The following FARP2 variants were observed in gnomAD, a reference collection of about 807,000 sequenced individuals.
FARP2 encodes FERM, ARH/RhoGEF and pleckstrin domain protein 2.
FARP2 carries 111 observed loss-of-function variants against 130.5 expected under a neutral mutation model. The ratio of observed to expected loss-of-function variants is 0.85; its 90% CI spans 0.73 to 1.00. The LOEUF (loss-of-function observed/expected upper bound fraction) is 1.00. FARP2 is among the 50% of genes least tolerant of loss of function. The probability of loss-of-function intolerance (pLI) is 0.00; values close to 1 mark genes in which losing one functional copy is unlikely to be tolerated. For synonymous variants in FARP2, 504 were observed against 516.9 expected (o/e 0.98, Z 0.34); for missense variants, 1,385 against 1,346.3 (o/e 1.03, Z -0.45).
chr2:241,494,316 T>C lies in FARP2; in HGVS notation c.*191T>C. 3 of 395,984 alleles carry C rather than the reference T, an allele frequency of 7.6e-6. No individual in the cohort carries two copies. The highest frequency in any genetic ancestry group is 1.4e-5 in the Non-Finnish European group (3 of 217,030). The allele number at this position is 395,984 out of a possible 1,614,324, so 24.5% of individuals were successfully genotyped here. On this transcript the variant is annotated 3_prime_UTR_variant, in exon 27 of 27. Coordinates refer to ENST00000264042, the MANE Select transcript of FARP2 (RefSeq NM_014808.4). The surrounding 1 kb of genome is among the most constrained non-coding windows in gnomAD (Gnocchi z 4.9). ...ATCCCCCCACCCAGGACCTAGTGCATGCCAGCAGCTATCTGGGGCCCTGGG... is the reference window on the plus strand; with the variant it reads ...ATCCCCCCACCCAGGACCTAGTGCACGCCAGCAGCTATCTGGGGCCCTGGG...
intron 4 of FARP2, among the ~76,000 whole-genome samples, chr2:241,406,120 G>T (rs544747013): frequency 6.6e-6 from 1 of 151,922 alleles, no homozygotes; most frequent in East Asian, 1.9e-4. Flanking sequence ...TGGCTAACAT[G>T]GTGAAACTCC....
intron 17 of FARP2, chr2:241,465,558 C>A: frequency 6.4e-7 from 1 of 1,550,542 alleles, no homozygotes. Context: ...GATTTCTCTT[C>A]AATAGGAGCA....
At chr2:241,404,904 A>C (rs1255871313) in intron 4 of FARP2, 63 bp downstream of exon 4, 16 of 1,257,830 alleles carry the variant, frequency 1.3e-5, no homozygotes, top group Non-Finnish European at 1.9e-5. Context: ...TGGAATGTTT[A>C]AAAGGCATGT....
intron 4 of FARP2, among the ~76,000 whole-genome samples, chr2:241,406,662 C>G (rs146022469): frequency 5.3e-5 from 8 of 152,062 alleles, no homozygotes; most frequent in African/African-American, 1.9e-4. Context: ...TGGGATTTCA[C>G]CATGTTGCGC....
intron 14 of FARP2, among the ~76,000 whole-genome samples, chr2:241,457,124 C>T (rs914904843): frequency 6.6e-6 from 1 of 152,220 alleles, no homozygotes; most frequent in African/African-American, 2.4e-5. Context: ...TTCCTCTTAT[C>T]TCTGGGACTC....
At chr2:241,463,754 A>T (rs2064091792) in intron 16 of FARP2, 145 bp from the exon 17 acceptor site, 1 of 746,328 alleles carries the variant, frequency 1.3e-6, no homozygotes. Context: ...CATCCAGGGC[A>T]GGCCCTGCCC....
intron 2 of FARP2, among the ~76,000 whole-genome samples, chr2:241,389,915 T>C (rs1559723733): frequency 6.6e-6 from 1 of 152,184 alleles, no homozygotes; most frequent in Non-Finnish European, 1.5e-5. Flanking sequence ...GTTCATGCCA[T>C]GACTCGAGCT....
chr2:241,406,758 C>A (rs751096456), intron 4 of FARP2, among the ~76,000 whole-genome samples: 11 of 152,038 alleles, frequency 7.2e-5, no homozygotes, highest in Non-Finnish European at 1.5e-4. Flanking sequence ...GCCACTGCAC[C>A]CAGCCTATTT....
At chr2:241,491,731 T>G in intron 24 of FARP2, 52 bp downstream of exon 24, 1 of 1,527,294 alleles carries the variant, frequency 6.5e-7, no homozygotes, top group Non-Finnish European at 8.8e-7. Context: ...CCCAGCTGTC[T>G]CTGCACTTGG....
At chr2:241,467,495 A>T (rs539513606) in intron 17 of FARP2, among the ~76,000 whole-genome samples, 99 of 152,150 alleles carry the variant, frequency 6.5e-4, no homozygotes, top group African/African-American at 2.2e-3. Context: ...AAAAATATTT[A>T]AAAAATGAGC....
Position 241,403,944 on chromosome 2 carries a change from T to G in FARP2, c.288+12T>G, listed in dbSNP as rs769425229. On this transcript the variant is annotated intron_variant, in intron 3 of 26. Coordinates refer to ENST00000264042, the MANE Select transcript of FARP2 (RefSeq NM_014808.4). ...CTCAGTCCTACTGGGTAAGTGCTTA[T>G]GACGTGCCCAGGCGTGGAGCCTTTG... 6.6e-7 allele frequency: 1 copy of G among 1,518,206 alleles called. No individual in the cohort carries two copies. The highest frequency in any genetic ancestry group is 2.2e-5 in the East Asian group (1 of 44,454). The allele number at this position is 1,518,206 out of a possible 1,614,324, so 94.0% of individuals were successfully genotyped here.
At chr2:241,428,048 G>C (rs2062998090) in intron 8 of FARP2, among the ~76,000 whole-genome samples, 2 of 151,524 alleles carry the variant, frequency 1.3e-5, no homozygotes, top group African/African-American at 4.9e-5. Context: ...TTACAGGCAT[G>C]AGCCACCACG....
intron 1 of FARP2, among the ~76,000 whole-genome samples, chr2:241,359,770 A>G (rs1207163485): frequency 6.6e-6 from 1 of 152,166 alleles, no homozygotes; most frequent in Non-Finnish European, 1.5e-5. Context: ...TGCAATCACG[A>G]TGGGGTTGAG....
chr2:241,491,066 G>C lies in FARP2; in HGVS notation c.2510G>C (p.Arg837Pro). 6.2e-7 allele frequency: 1 copy of C among 1,612,862 alleles called. No individual in the cohort carries two copies. The highest frequency in any genetic ancestry group is 1.3e-5 in the African/African-American group (1 of 75,016). Reference sequence around the variant, plus strand: ...CCTTGCCCTTCTCCCTGCAGCACTCGGCTGGAGAAAGAGAAGTGGATGCTG... The same window carrying C: ...CCTTGCCCTTCTCCCTGCAGCACTCCGCTGGAGAAAGAGAAGTGGATGCTG... Reference protein sequence around the residue: ...QKTIVVAASTRLEKEKWMLDL... With the variant: ...QKTIVVAASTPLEKEKWMLDL... The change falls in exon 23 of 27, where the codon CGG (arginine) becomes CCG (proline). Residue 837 changes from arginine (R) to proline (P), a missense_variant. Physicochemically the swap from Arg to Pro is moderately radical, Grantham distance 103 (BLOSUM62 -2). Transcript: ENST00000264042.
Position 241,437,809 on chromosome 2 carries a change from T to G in FARP2, c.1158+1271T>G, listed in dbSNP as rs1574825466. Reference sequence around the variant, plus strand: ...CCTCCCGAGTAGCTGGGACTGCAGGTGCCCGCCACCACGCCTGGCTAATTT... The same window carrying G: ...CCTCCCGAGTAGCTGGGACTGCAGGGGCCCGCCACCACGCCTGGCTAATTT... On this transcript the variant is annotated intron_variant, in intron 12 of 26. Coordinates refer to ENST00000264042, the MANE Select transcript of FARP2 (RefSeq NM_014808.4). Among the ~76,000 whole-genome samples, 3 of 151,922 alleles carry G rather than the reference T, an allele frequency of 2.0e-5. No individual in the cohort carries two copies. The East Asian group carries it at 5.8e-4, about 29-fold the overall frequency.
chr2:241,463,350 G>C lies in FARP2; in HGVS notation c.1693G>C (p.Val565Leu). The C allele has an allele frequency of 6.2e-7, 1 of 1,614,098 alleles. No homozygotes were observed. The highest frequency in any genetic ancestry group is 8.5e-7 in the Non-Finnish European group (1 of 1,179,996). The change falls in exon 16 of 27, where the codon GTG becomes CTG. Residue 565 changes from valine to leucine, a missense_variant. By Grantham distance (32) the Val-to-Leu change is conservative (BLOSUM62 1). Coordinates refer to ENST00000264042, the MANE Select transcript of FARP2 (RefSeq NM_014808.4). ...EVITVWFRSA[V>L]VKEDAMPATL... is the part of the protein sequence containing the mutation. ...CTTCCCACAGTGGTTCCGCAGCGCAGTGGTGAAGGAGGACGCCATGCCTGC... is the reference window on the plus strand; with the variant it reads ...CTTCCCACAGTGGTTCCGCAGCGCACTGGTGAAGGAGGACGCCATGCCTGC...
chr2:241,370,902 T>C (rs113164665), intron 1 of FARP2, among the ~76,000 whole-genome samples: 21 of 152,320 alleles, frequency 1.4e-4, no homozygotes, highest in African/African-American at 5.1e-4. Flanking sequence ...CAGCTGAAGA[T>C]GATGGGTAAC....
chr2:241,398,812 G>T lies in FARP2; in HGVS notation c.184-5016G>T, dbSNP rs146479945. ...TTGAACTCCTGACCTCAGGTGATCT[G>T]CCTGCCTCGGCTTCCCAAAGTGCTA... On this transcript the variant is annotated intron_variant, in intron 2 of 26. Coordinates refer to ENST00000264042, the MANE Select transcript of FARP2 (RefSeq NM_014808.4). Among the ~76,000 whole-genome samples, 885 of 152,210 alleles carry T rather than the reference G, an allele frequency of 5.8e-3. 16 individuals carry two copies. The highest frequency in any genetic ancestry group is 0.02 in the African/African-American group (825 of 41,534).
At chr2:241,408,243 G>T (rs189309730) in intron 5 of FARP2, among the ~76,000 whole-genome samples, 1 of 152,102 alleles carries the variant, frequency 6.6e-6, no homozygotes, top group Non-Finnish European at 1.5e-5. Context: ...ATGGTGGCGG[G>T]CACCTGTAGT....
Sources: allele counts gnomAD v4.1 joint callset (sites outside exome capture counted in the v4.1 genomes callset), GRCh38; gene constraint gnomAD v4.1.1; non-coding constraint Gnocchi (gnomAD v3.1); transcripts MANE v1.5; gene names NCBI Gene and HGNC (gene_info 2026-07-23, HGNC 2026-07-21).